PIK3CB: variants seen among roughly 807,000 people sequenced by gnomAD.
The protein encoded by PIK3CB is phosphatidylinositol 4,5-bisphosphate 3-kinase catalytic subunit beta isoform.
Under a neutral mutation model 136.8 loss-of-function variants are expected in PIK3CB, and 39 were observed. The observed-to-expected ratio is 0.29, with a 90% CI of 0.22 to 0.37. The LOEUF (loss-of-function observed/expected upper bound fraction) is 0.37. PIK3CB is among the 10% of genes least tolerant of loss of function. The pLI, the probability that PIK3CB is intolerant of heterozygous loss-of-function variation, is 1.00. For missense variants in PIK3CB, 868 were observed against 1,275.4 expected, an observed-to-expected ratio of 0.68 and a Z score of 4.87; for synonymous variants, 428 against 436.6, an observed-to-expected ratio of 0.98 and a Z score of 0.25.
rs371418042 is a variant in PIK3CB at position 138,709,256 on chromosome 3, T to C, written c.1400-1967A>G. 5.3e-5 allele frequency among the ~76,000 whole-genome samples: 8 copies of C among 152,140 alleles called. No individual in the cohort carries two copies. In the East Asian group the frequency reaches 1.2e-3, roughly 22 times the overall value. On this transcript the variant is annotated intron_variant, in intron 10 of 23. Coordinates refer to ENST00000674063, the MANE Select transcript of PIK3CB (RefSeq NM_006219.3). ...TGTACATAAGCATGGTTATTCATTA[T>C]AGCAGCACTGTTTGAACTATCAGAA...
At chr3:138,664,940 T>C (rs1265654883) in intron 20 of PIK3CB, 96 bp downstream of exon 20, 2 of 719,332 alleles carry the variant, frequency 2.8e-6, no homozygotes, top group Non-Finnish European at 4.3e-6. Context: ...AAAACACTAA[T>C]ATTTCCTCTA....
intron 1 of PIK3CB, among the ~76,000 whole-genome samples, chr3:138,807,231 C>T (rs946929041): frequency 2.6e-5 from 4 of 152,200 alleles, no homozygotes; most frequent in African/African-American, 7.2e-5. Flanking sequence ...CTCAGGAGTT[C>T]GAGACCAGCC....
chr3:138,737,651 A>C, intron 6 of PIK3CB, 56 bp downstream of exon 6: 1 of 518,102 alleles, frequency 1.9e-6, no homozygotes, highest in Non-Finnish European at 2.9e-6. Context: ...TAAAATATAT[A>C]TATATATATA....
intron 1 of PIK3CB, among the ~76,000 whole-genome samples, chr3:138,824,094 T>C (rs750375339): frequency 4.6e-5 from 7 of 152,168 alleles, no homozygotes; most frequent in Non-Finnish European, 8.8e-5. Flanking sequence ...GTAAATATTA[T>C]AAATTAGTTA....
chr3:138,758,197 C>T (rs969258537), intron 3 of PIK3CB, among the ~76,000 whole-genome samples: 1 of 151,750 alleles, frequency 6.6e-6, no homozygotes, highest in African/African-American at 2.4e-5. Context: ...ATATAAAGTA[C>T]CAAGAATAGG....
At chr3:138,657,058 C>T (rs924525351) in intron 22 of PIK3CB, among the ~76,000 whole-genome samples, 4 of 152,054 alleles carry the variant, frequency 2.6e-5, no homozygotes, top group Non-Finnish European at 4.4e-5. Flanking sequence ...TGACCTACCG[C>T]GCCAGGCTGA....
chr3:138,823,400 C>A (rs576262121), intron 1 of PIK3CB, among the ~76,000 whole-genome samples: 1 of 151,160 alleles, frequency 6.6e-6, no homozygotes, highest in Non-Finnish European at 1.5e-5. Context: ...AGTAGACTGG[C>A]TACAGAAAAA....
chr3:138,749,818 G>A (rs1351429523), intron 4 of PIK3CB, among the ~76,000 whole-genome samples: 3 of 152,080 alleles, frequency 2.0e-5, no homozygotes, highest in African/African-American at 4.8e-5. Context: ...CAAAAGTTTT[G>A]TTTTTCATTA....
At chr3:138,700,572 A>G (rs1478188487) in intron 12 of PIK3CB, among the ~76,000 whole-genome samples, 2 of 151,642 alleles carry the variant, frequency 1.3e-5, no homozygotes, top group Non-Finnish European at 2.9e-5. Flanking sequence ...CCTATAAGTT[A>G]AAAAAAAGAA....
At chr3:138,710,361 A>G (rs1274361451) in intron 10 of PIK3CB, among the ~76,000 whole-genome samples, 1 of 152,216 alleles carries the variant, frequency 6.6e-6, no homozygotes, top group Non-Finnish European at 1.5e-5. Context: ...GTAAATGATT[A>G]TCCAAAAGTA....
chr3:138,833,808 T>C (rs776126680), intron 1 of PIK3CB, among the ~76,000 whole-genome samples: 1 of 152,178 alleles, frequency 6.6e-6, no homozygotes, highest in Non-Finnish European at 1.5e-5. Flanking sequence ...CAAGTTTACG[T>C]CCCACCATCT....
rs533465966 is a variant in PIK3CB at position 138,805,931 on chromosome 3, C to T, written c.-121-9364G>A. 3.0e-3 allele frequency among the ~76,000 whole-genome samples: 448 copies of T among 151,380 alleles called. 5 individuals are homozygous for T. Among genetic ancestry groups the T allele is most frequent in the African/African-American group, 9.1e-3 (376 of 41,390 alleles). On this transcript the variant is annotated intron_variant, in intron 1 of 23. Transcript: ENST00000674063. ...TTTTAGTAGAGATGGGGTTTCACCA[C>T]GTTGGTCAGGATGGTCTCAATCTCC...
intron 2 of PIK3CB, among the ~76,000 whole-genome samples, chr3:138,768,430 G>A (rs1215566295): frequency 6.6e-6 from 1 of 152,200 alleles, no homozygotes; most frequent in Non-Finnish European, 1.5e-5. Flanking sequence ...GGGCTTTTAT[G>A]GGCCTCAGGG....
chr3:138,784,413 CCCCTCCCCCTCT>C (rs2045952089), intron 2 of PIK3CB, among the ~76,000 whole-genome samples: 2 of 151,910 alleles, frequency 1.3e-5, no homozygotes, highest in South Asian at 2.1e-4. Context: ...CCTCTCCCTC[CCCCTCCCCCTCT>C]CCCTCTCGTC....
intron 11 of PIK3CB, among the ~76,000 whole-genome samples, chr3:138,705,170 AAAACAAAAAACAAAACAAAC>A (rs1271535464): frequency 0.026 from 2,442 of 94,350 alleles, 439 homozygotes; most frequent in African/African-American, 0.096. Flanking sequence ...AAAAAAAAAA[AAAACAAAAAACAAAACAAAC>A]AAAAAAAAAA....
At chr3:138,744,391 C>A (rs1327090079) in intron 4 of PIK3CB, among the ~76,000 whole-genome samples, 1 of 19,310 alleles carries the variant, frequency 5.2e-5, no homozygotes, top group Non-Finnish European at 1.1e-4. Context: ...CGAGACTCCC[C>A]CAAAAAAAAA....
chr3:138,797,156 C>G (rs752716635), intron 1 of PIK3CB: 1 of 157,624 alleles, frequency 6.3e-6, no homozygotes, highest in Non-Finnish European at 1.4e-5. Context: ...GGTCAACACC[C>G]GGATTGAGTC....
At chr3:138,687,483 G>A (rs1240285748) in intron 16 of PIK3CB, among the ~76,000 whole-genome samples, 2 of 151,988 alleles carry the variant, frequency 1.3e-5, no homozygotes, top group East Asian at 3.9e-4. Flanking sequence ...TTCTTTTTTT[G>A]AGACAGGGTC....
intron 2 of PIK3CB, among the ~76,000 whole-genome samples, chr3:138,760,523 C>T (rs769102399): frequency 1.3e-5 from 2 of 152,102 alleles, no homozygotes; most frequent in Non-Finnish European, 2.9e-5. Flanking sequence ...CAAGAAGATA[C>T]AACAATAATA....
Sources: allele counts gnomAD v4.1 joint callset (sites outside exome capture counted in the v4.1 genomes callset), GRCh38; gene constraint gnomAD v4.1.1; transcripts MANE v1.5; gene names NCBI Gene and HGNC (gene_info 2026-07-23, HGNC 2026-07-21).